WDR43: variants seen among roughly 807,000 people sequenced by gnomAD.
WDR43 encodes WD repeat domain 43, also known as WD repeat-containing protein 43.
WDR43 carries 13 observed loss-of-function variants against 91.4 expected under a neutral mutation model. That is an observed-to-expected ratio of 0.14 (90% CI 0.09 to 0.23). The LOEUF (loss-of-function observed/expected upper bound fraction) is 0.23, where lower values mean the gene tolerates loss of function less well. Among genes scored for constraint, WDR43 ranks in the 10% least tolerant of loss-of-function variants. The pLI, the probability that WDR43 is intolerant of heterozygous loss-of-function variation, is 1.00. For synonymous variants in WDR43, 331 were observed against 287.9 expected (o/e 1.15, Z -1.51); for missense variants, 780 against 809.4 (o/e 0.96, Z 0.44).
intron 1 of WDR43, among the ~76,000 whole-genome samples, chr2:28,899,582 T>G (rs1670543048): frequency 6.6e-6 from 1 of 152,224 alleles, no homozygotes; most frequent in South Asian, 2.1e-4. Context: ...ACTGTTTATA[T>G]TGATTTATTC....
chr2:28,936,848 C>A lies in WDR43; in HGVS notation c.1525-74C>A. 5 of 1,300,612 alleles carry A rather than the reference C, an allele frequency of 3.8e-6. No individual in the cohort carries two copies. The South Asian group carries it at 3.9e-5, about 10-fold the overall frequency. 80.6% of individuals were successfully genotyped at this position (1,300,612 alleles called of 1,614,324 possible). A position where few individuals can be genotyped will look rare whatever the true frequency, so the allele number is the denominator to read the frequency against. On this transcript the variant is annotated intron_variant, in intron 12 of 17. Coordinates refer to ENST00000407426, the MANE Select transcript of WDR43 (RefSeq NM_015131.3). The stretch of plus-strand genomic sequence containing the variant: ...TAGAATAATAATTTCTCAATATTGT[C>A]ATTGTATCATAGGAATTGACAGCAT...
At chr2:28,910,364 G>A (rs1051347439) in intron 3 of WDR43, among the ~76,000 whole-genome samples, 5 of 152,182 alleles carry the variant, frequency 3.3e-5, no homozygotes, top group African/African-American at 1.2e-4. Context: ...AATTGAAGCT[G>A]TGGGAATCGA....
At chr2:28,915,582 TTAAC>T (rs1360652657) in intron 5 of WDR43, among the ~76,000 whole-genome samples, 7 of 152,326 alleles carry the variant, frequency 4.6e-5, no homozygotes, top group African/African-American at 1.2e-4. Flanking sequence ...AAACTTAAAA[TTAAC>T]CACACACACA....
chr2:28,916,602 C>A (rs1006402356), intron 5 of WDR43, among the ~76,000 whole-genome samples: 2 of 151,970 alleles, frequency 1.3e-5, no homozygotes, highest in Non-Finnish European at 1.5e-5. Flanking sequence ...TACCTCTCCC[C>A]CTATAACCCC....
In WDR43 at chr2:28,894,950, G is replaced by T. The variant is rs1433476988; in HGVS notation, c.225+27G>T. 5 of 1,503,612 alleles carry T rather than the reference G, an allele frequency of 3.3e-6. No homozygotes were observed. In the South Asian group the frequency reaches 6.2e-5, roughly 19 times the overall value. The allele number at this position is 1,503,612 out of a possible 1,614,324, so 93.1% of individuals were successfully genotyped here. The stretch of plus-strand genomic sequence containing the variant: ...TAAAGCGAGCGGGACTGCGCGGGGC[G>T]GGCGCCTTCCCGGGCTCGGCTTCGG... On this transcript the variant is annotated intron_variant, in intron 1 of 17. Transcript: ENST00000407426.
At chr2:28,929,481 T>G in intron 10 of WDR43, 98 bp from the exon 11 acceptor site, 1 of 1,138,832 alleles carries the variant, frequency 8.8e-7, no homozygotes, top group South Asian at 2.6e-5. Flanking sequence ...AGGGTTGAGG[T>G]GTAAATCTAT....
intron 10 of WDR43, among the ~76,000 whole-genome samples, chr2:28,928,574 C>T (rs909534530): frequency 2.0e-5 from 3 of 152,106 alleles, no homozygotes; most frequent in Admixed American, 2.0e-4. Context: ...CTATGTTAGT[C>T]ATAAAACAAA....
Position 28,923,726 on chromosome 2 carries a change from A to G in WDR43, c.914+743A>G, listed in dbSNP as rs10170522. On this transcript the variant is annotated intron_variant, in intron 7 of 17. Coordinates refer to ENST00000407426, the MANE Select transcript of WDR43 (RefSeq NM_015131.3). ...TCTCCCTCCATTGAGTTCTGCTCCT[A>G]TAGGTAACTGTTAACATTTTAGTGT... Among the ~76,000 whole-genome samples, 155 of 152,240 alleles carry G rather than the reference A, an allele frequency of 1.0e-3. No homozygotes were observed. The Middle Eastern group carries it at 0.027, about 27-fold the overall frequency.
chr2:28,922,896 C>CCCA, intron 6 of WDR43, 23 bp from the exon 7 acceptor site: 1 of 1,550,604 alleles, frequency 6.4e-7, no homozygotes, highest in African/African-American at 1.4e-5. Flanking sequence ...CATTATAATA[C>CCCA]GTTGGTTACA....
intron 2 of WDR43, among the ~76,000 whole-genome samples, chr2:28,904,817 A>C (rs969407633): frequency 6.6e-6 from 1 of 152,234 alleles, no homozygotes; most frequent in Non-Finnish European, 1.5e-5. Context: ...TAGCTTTAGT[A>C]ATTTTGAGTA....
intron 14 of WDR43, among the ~76,000 whole-genome samples, chr2:28,939,016 G>T (rs1379355802): frequency 7.3e-6 from 1 of 137,166 alleles, no homozygotes; most frequent in Non-Finnish European, 1.6e-5. Flanking sequence ...CACTGGTGAG[G>T]GGGGTTTTGG....
intron 1 of WDR43, among the ~76,000 whole-genome samples, chr2:28,896,109 T>G (rs2148175034): frequency 6.6e-6 from 1 of 152,250 alleles, no homozygotes; most frequent in East Asian, 1.9e-4. Flanking sequence ...AAAAAATCAG[T>G]TTTTATTGTT....
At chr2:28,894,962 G>A (rs1324459203) in intron 1 of WDR43, 39 bp downstream of exon 1, 3 of 1,483,962 alleles carry the variant, frequency 2.0e-6, no homozygotes, top group Non-Finnish European at 2.7e-6. Flanking sequence ...GCGCCTTCCC[G>A]GGCTCGGCTT....
chr2:28,913,851 C>T (rs931640196), intron 4 of WDR43: 7 of 681,024 alleles, frequency 1.0e-5, no homozygotes, highest in African/African-American at 9.0e-5. Flanking sequence ...TTAGAAGGAA[C>T]ATCTAAATTT....
At chr2:28,912,947 ATTTTT>A (rs35646381) in intron 4 of WDR43, among the ~76,000 whole-genome samples, 13 of 100,962 alleles carry the variant, frequency 1.3e-4, no homozygotes, top group Admixed American at 2.4e-4. Flanking sequence ...AAGAAACAAG[ATTTTT>A]TTTTTTTTTT....
At chr2:28,918,390 C>T (rs531807721) in intron 6 of WDR43, among the ~76,000 whole-genome samples, 16 of 151,148 alleles carry the variant, frequency 1.1e-4, no homozygotes, top group East Asian at 1.9e-4. Flanking sequence ...TTTTTTGAGA[C>T]GGAGTTTCGC....
intron 7 of WDR43, among the ~76,000 whole-genome samples, chr2:28,924,576 A>T (rs192336201): frequency 1.3e-5 from 2 of 152,052 alleles, no homozygotes; most frequent in Non-Finnish European, 2.9e-5. Context: ...TGAGGACACA[A>T]TTTTGCTGCT....
At chr2:28,909,844 G>A (rs764038945) in intron 3 of WDR43, among the ~76,000 whole-genome samples, 2 of 152,180 alleles carry the variant, frequency 1.3e-5, no homozygotes, top group Non-Finnish European at 2.9e-5. Context: ...ACTGCACTCT[G>A]CCTGGGCAAC....
chr2:28,935,149 A>T (rs1307951485), intron 11 of WDR43, among the ~76,000 whole-genome samples: 1 of 152,122 alleles, frequency 6.6e-6, no homozygotes, highest in Non-Finnish European at 1.5e-5. Flanking sequence ...AAGTAATTTT[A>T]CTGTTTTGCT....
Sources: allele counts gnomAD v4.1 joint callset (sites outside exome capture counted in the v4.1 genomes callset), GRCh38; gene constraint gnomAD v4.1.1; transcripts MANE v1.5; gene names NCBI Gene and HGNC (gene_info 2026-07-23, HGNC 2026-07-21).